Variants in PCDHGA5 observed in about 807,000 individuals in gnomAD.
PCDHGA5 encodes the protein protocadherin gamma-A5.
PCDHGA5 carries 36 observed loss-of-function variants against 56.7 expected under a neutral mutation model. That is an observed-to-expected ratio of 0.64 (90% confidence interval 0.49 to 0.84). PCDHGA5 has a LOEUF of 0.84. Ranked by LOEUF, PCDHGA5 falls within the 40% of genes least tolerant of loss-of-function variation. PCDHGA5 has a pLI of 0.00. For synonymous variants in PCDHGA5, 563 were observed against 520.2 expected, an observed-to-expected ratio of 1.08 and a Z score of -1.12; for missense variants, 1,305 against 1,201.5, an observed-to-expected ratio of 1.09 and a Z score of -1.27.
intron 1 of PCDHGA5, among the ~76,000 whole-genome samples, chr5:141,429,759 C>T (rs1233949322): frequency 6.6e-6 from 1 of 151,946 alleles, no homozygotes; most frequent in East Asian, 1.9e-4. Flanking sequence ...GAATTTTTTC[C>T]CTATATTTTG....
intron 1 of PCDHGA5, chr5:141,410,268 A>C: frequency 6.2e-7 from 1 of 1,613,994 alleles, no homozygotes. Context: ...GCTGAACTGC[A>C]GTTTTACCTG....
chr5:141,428,561 A>G (rs879118525), intron 1 of PCDHGA5: 16 of 238,202 alleles, frequency 6.7e-5, no homozygotes, highest in South Asian at 5.9e-4. Context: ...GTCCCCCCAC[A>G]AGATCTTTCT....
At chr5:141,372,956 T>C in intron 1 of PCDHGA5, 1 of 730,732 alleles carries the variant, frequency 1.4e-6, no homozygotes, top group Non-Finnish European at 2.1e-6. Flanking sequence ...GGAAATTCTT[T>C]GTAGAATTTC....
In PCDHGA5 at chr5:141,371,998, G is replaced by T. The variant is rs893704391; in HGVS notation, c.2421+5247G>T. ...GCCTTCGAGCTCACTCTGCAGGCCCGCGACCAGGGCTCGCCTACGCTCAGC... is the reference window on the plus strand; with the variant it reads ...GCCTTCGAGCTCACTCTGCAGGCCCTCGACCAGGGCTCGCCTACGCTCAGC... On this transcript the variant is annotated intron_variant, in intron 1 of 3. Transcript: ENST00000518069. The T allele has an allele frequency of 3.1e-6, 5 of 1,613,148 alleles. No homozygotes were observed. In the African/African-American group the frequency reaches 6.7e-5, roughly 22 times the overall value.
In PCDHGA5 at chr5:141,477,005, T is replaced by C; in HGVS notation, c.2422-17802T>C. The C allele has an allele frequency of 1.2e-6, 2 of 1,614,240 alleles. No individual in the cohort carries two copies. Among genetic ancestry groups the C allele is most frequent in the Non-Finnish European group, 1.7e-6 (2 of 1,180,040 alleles). Reference sequence around the variant, plus strand: ...CGCCGGCGTGCGGCAACTATTCGCCTTAGACCTTGTAACCGGGATGCTGAC... The same window carrying C: ...CGCCGGCGTGCGGCAACTATTCGCCCTAGACCTTGTAACCGGGATGCTGAC... On this transcript the variant is annotated intron_variant, in intron 1 of 3. Transcript: ENST00000518069. The surrounding 1 kb of genome is among the most constrained non-coding windows in gnomAD (Gnocchi z 4.9).
intron 1 of PCDHGA5, chr5:141,398,647 C>T: frequency 6.2e-7 from 1 of 1,614,070 alleles, no homozygotes; most frequent in Non-Finnish European, 8.5e-7. Context: ...TAAACTCTCT[C>T]TTAACCCAAG....
chr5:141,384,703 G>T, intron 1 of PCDHGA5: 2 of 1,614,100 alleles, frequency 1.2e-6, no homozygotes, highest in Non-Finnish European at 8.5e-7. Context: ...AGGCCAGAAC[G>T]CCTGGCTGTC....
At position 141,365,423 on chromosome 5, in the gene PCDHGA5, G is replaced by C. The variant is rs182594355; in HGVS notation, c.1093G>C (p.Val365Leu). ...CTCTGAAGACTGTCTTCCCGGAACT[G>C]TAATCGCGCTGTTTAGCGTACATGA... is the stretch of plus-strand genomic sequence containing the variant. ...SISEDCLPGT[V>L]IALFSVHDGD... The change falls in exon 1 of 4, where the codon GTA becomes CTA. Residue 365 changes from valine to leucine, a missense_variant. By Grantham distance (32) the Val-to-Leu change is conservative. Transcript: ENST00000518069. The C allele has an allele frequency of 1.2e-6, 2 of 1,614,018 alleles. No individual in the cohort carries two copies. The highest frequency in any genetic ancestry group is 2.2e-5 in the South Asian group (2 of 91,090).
At chr5:141,481,879 A>G (rs1204365605) in intron 1 of PCDHGA5, among the ~76,000 whole-genome samples, 1 of 144,890 alleles carries the variant, frequency 6.9e-6, no homozygotes, top group Non-Finnish European at 1.5e-5. Context: ...GCGCCACTGC[A>G]CTCCAGCCTG....
intron 1 of PCDHGA5, chr5:141,423,492 C>T (rs2154550191): frequency 1.2e-6 from 2 of 1,613,972 alleles, no homozygotes; most frequent in East Asian, 4.5e-5. Context: ...AAACCTATTC[C>T]CACGAGGTCT....
intron 1 of PCDHGA5, chr5:141,393,583 C>T: frequency 6.2e-7 from 1 of 1,613,930 alleles, no homozygotes. Flanking sequence ...AACATGCCCC[C>T]AGGCACGCGG....
chr5:141,389,863 TG>T, intron 1 of PCDHGA5: 2 of 1,614,064 alleles, frequency 1.2e-6, no homozygotes, highest in Non-Finnish European at 1.7e-6. Context: ...ACGTTGCACC[TG>T]GTCTTCGCCG....
At chr5:141,428,018 C>A in intron 1 of PCDHGA5, 12 of 1,604,570 alleles carry the variant, frequency 7.5e-6, no homozygotes, top group Middle Eastern at 1.7e-4. Context: ...TAGTGCCACG[C>A]GCCGCAGAGT....
rs151293422 is a variant in PCDHGA5, at chr5:141,487,556, A to G, written c.2422-7251A>G. ...GATGGTGAAGTCACCCAGTGCACCT[A>G]TGGCAGGGGAGCCTGTTCGCCCAAG... On this transcript the variant is annotated intron_variant, in intron 1 of 3. Coordinates refer to ENST00000518069, the MANE Select transcript of PCDHGA5 (RefSeq NM_018918.3). This position sits in a 1 kb window ranked among gnomAD's most constrained non-coding sequence, Gnocchi z 5.0. 2,837 of 1,614,100 alleles carry G rather than the reference A, an allele frequency of 1.8e-3. 31 individuals are homozygous for G. The highest frequency in any genetic ancestry group is 1.2e-3 in the South Asian group (105 of 91,084).
Position 141,364,749 on chromosome 5 carries a change from T to A in PCDHGA5, c.419T>A (p.Val140Glu), listed in dbSNP as rs1588602208. Reference protein sequence around the residue: ...FPRFRDEELKVKVNENAAAGT... With the variant: ...FPRFRDEELKEKVNENAAAGT... Reference sequence around the variant, plus strand: ...CGTTTCCGGGATGAAGAGTTAAAAGTAAAAGTTAATGAAAATGCGGCTGCA... The same window carrying A: ...CGTTTCCGGGATGAAGAGTTAAAAGAAAAAGTTAATGAAAATGCGGCTGCA... Residue 140 changes from valine (V) to glutamate (E), a missense_variant, in exon 1 of 4, where the codon GTA becomes GAA. Coordinates refer to ENST00000518069, the MANE Select transcript of PCDHGA5 (RefSeq NM_018918.3). 3.1e-5 allele frequency: 50 copies of A among 1,613,798 alleles called. No individual in the cohort carries two copies. In the East Asian group the frequency reaches 1.1e-3, roughly 35 times the overall value.
intron 1 of PCDHGA5, chr5:141,395,075 C>A: frequency 6.2e-7 from 1 of 1,614,124 alleles, no homozygotes; most frequent in Non-Finnish European, 8.5e-7. Context: ...AGACCTATTC[C>A]CAGGAAGTCT....
At chr5:141,473,623 A>T (rs186624707) in intron 1 of PCDHGA5, among the ~76,000 whole-genome samples, 8 of 152,280 alleles carry the variant, frequency 5.3e-5, no homozygotes, top group Non-Finnish European at 1.5e-5. Flanking sequence ...GAGGGAGGAA[A>T]AAGCAGCTTT....
chr5:141,414,667 G>C, intron 1 of PCDHGA5: 1 of 1,614,002 alleles, frequency 6.2e-7, no homozygotes, highest in Non-Finnish European at 8.5e-7. Flanking sequence ...CCTGGCTGAA[G>C]ACACCATCCA....
chr5:141,376,067 G>A (rs766311632), intron 1 of PCDHGA5: 4 of 1,613,402 alleles, frequency 2.5e-6, no homozygotes, highest in Non-Finnish European at 3.4e-6. Context: ...CACGCTCACC[G>A]TGGCCGTGGC....
Sources: gnomAD v4.1 joint callset for allele counts (sites outside exome capture counted in the v4.1 genomes callset) on GRCh38, gnomAD v4.1.1 for gene constraint, Gnocchi (gnomAD v3.1) non-coding constraint, MANE v1.5 for transcripts, NCBI Gene and HGNC (gene_info 2026-07-23, HGNC 2026-07-21) for gene names.